SDR42E1: variants seen among roughly 807,000 people sequenced by gnomAD.
SDR42E1 encodes the protein short-chain dehydrogenase/reductase family 42E member 1.
A neutral mutation model predicts 2.6 loss-of-function variants in SDR42E1; 5 were observed. That is an observed-to-expected ratio of 1.94 (90% CI 1.01 to 4.08). SDR42E1 has a LOEUF of 4.08. Ranked by LOEUF, SDR42E1 falls within the 30% of genes most tolerant of loss-of-function variation. The pLI, the probability that SDR42E1 is intolerant of heterozygous loss-of-function variation, is 0.00. For synonymous variants in SDR42E1, 231 were observed against 188.3 expected (o/e 1.23, Z -1.86); for missense variants, 596 against 478.6 (o/e 1.25, Z -2.29).
intron 1 of SDR42E1, among the ~76,000 whole-genome samples, chr16:82,004,169 TG>T (rs1170508723): frequency 6.6e-6 from 1 of 152,100 alleles, no homozygotes; most frequent in African/African-American, 2.4e-5. Context: ...GTTATAATGT[TG>T]GTATAAACAA....
rs192061002 is a variant in SDR42E1 at position 81,993,805 on chromosome 16, A to C, written c.*5306T>G. On this transcript the variant is annotated 3_prime_UTR_variant, in exon 3 of 3. Transcript: ENST00000328945. ...CACTTCATCAAACAATTTCCATATA[A>C]AACAAGAGTTTGAACTACTCTGCTT... The C allele has an allele frequency of 5.1e-4, 78 of 152,316 alleles. No individual in the cohort carries two copies. Among genetic ancestry groups the C allele is most frequent in the African/African-American group, 1.8e-3 (74 of 41,556 alleles). 9.4% of individuals were successfully genotyped at this position (152,316 alleles called of 1,614,324 possible).
rs769507054 is a variant in SDR42E1, at chr16:81,999,884, C to T, written c.409G>A (p.Asp137Asn). The T allele has an allele frequency of 6.2e-7, 1 of 1,614,038 alleles. No homozygotes were observed. The highest frequency in any genetic ancestry group is 8.5e-7 in the Non-Finnish European group (1 of 1,180,034). The change falls in exon 3 of 3, where the codon GAT becomes AAT. Residue 137 changes from aspartate to asparagine, a missense_variant. Coordinates refer to ENST00000328945, the MANE Select transcript of SDR42E1 (RefSeq NM_145168.3). The part of the protein sequence containing the change: ...IFGGQVIRNG[D>N]ESLPYLPLHL... ...AGAGGCAGGTAGGGCAGAGATTCAT[C>T]CCCATTTCTGATAACTTGACCTCCA...
Position 82,000,834 on chromosome 16 carries a change from C to A in SDR42E1, c.25G>T (p.Glu9Ter). 1 of 1,613,902 alleles carries A rather than the reference C, an allele frequency of 6.2e-7. No homozygotes were observed. Among genetic ancestry groups the A allele is most frequent in the South Asian group, 1.1e-5 (1 of 91,060 alleles). Residue 9 changes from glutamate (E) to a stop codon, truncating the protein, a stop_gained, in exon 2 of 3, where the codon GAA becomes TAA. Coordinates refer to ENST00000328945, the MANE Select transcript of SDR42E1 (RefSeq NM_145168.3). LOFTEE classifies it low-confidence loss of function (END_TRUNC). Reference protein sequence around the residue: MDPKRSQKESVLITGGSGY... With the variant: MDPKRSQK Reference sequence around the variant, plus strand: ...CTTCCTCCTGTAATGAGGACACTTTCCTTTTGAGATCTTTTGGGGTCCATA... The same window carrying A: ...CTTCCTCCTGTAATGAGGACACTTTACTTTTGAGATCTTTTGGGGTCCATA...
In SDR42E1 at chr16:81,995,094, A is replaced by G. The variant is rs1424351988; in HGVS notation, c.*4017T>C. 1 of 152,024 alleles carries G rather than the reference A, an allele frequency of 6.6e-6. No individual in the cohort carries two copies. Among genetic ancestry groups the G allele is most frequent in the African/African-American group, 2.4e-5 (1 of 41,360 alleles). 9.4% of individuals were successfully genotyped at this position (152,024 alleles called of 1,614,324 possible). The stretch of plus-strand genomic sequence containing the variant: ...CCGCTCTTCCCTTTTTGCAGGTGGG[A>G]GCAGTTTGGGCATTACCTTTAGGTT... On this transcript the variant is annotated 3_prime_UTR_variant, in exon 3 of 3. Coordinates refer to ENST00000328945, the MANE Select transcript of SDR42E1 (RefSeq NM_145168.3).
At position 81,994,345 on chromosome 16, in the gene SDR42E1, T is replaced by C. The variant is rs1296684962; in HGVS notation, c.*4766A>G. 1 of 152,218 alleles carries C rather than the reference T, an allele frequency of 6.6e-6. No individual in the cohort carries two copies. Among genetic ancestry groups the C allele is most frequent in the East Asian group, 1.9e-4 (1 of 5,192 alleles). 9.4% of individuals were successfully genotyped at this position (152,218 alleles called of 1,614,324 possible). ...CTGAAGAGGAGCTGCACCAAGCGCC[T>C]GTCCTCCCCAGAGAAGCAATCCTAG... is the stretch of plus-strand genomic sequence containing the variant. On this transcript the variant is annotated 3_prime_UTR_variant, in exon 3 of 3. Coordinates refer to ENST00000328945, the MANE Select transcript of SDR42E1 (RefSeq NM_145168.3).
Position 81,997,360 on chromosome 16 carries a change from T to C in SDR42E1, c.*1751A>G, listed in dbSNP as rs1912566281. 1 of 152,192 alleles carries C rather than the reference T, an allele frequency of 6.6e-6. No homozygotes were observed. The highest frequency in any genetic ancestry group is 2.1e-4 in the South Asian group (1 of 4,830). 9.4% of individuals were successfully genotyped at this position (152,192 alleles called of 1,614,324 possible). On this transcript the variant is annotated 3_prime_UTR_variant, in exon 3 of 3. Coordinates refer to ENST00000328945, the MANE Select transcript of SDR42E1 (RefSeq NM_145168.3). ...TGACCATCTCCCTCTTCTGGTATAA[T>C]ACGGAAATACCTTTGTGTATTTCCT...
Position 81,989,947 on chromosome 16 carries a change from A to T in SDR42E1, c.*9164T>A, listed in dbSNP as rs1049842927. On this transcript the variant is annotated 3_prime_UTR_variant, in exon 3 of 3. Transcript: ENST00000328945. ...TGGGAGGCGGAGGTTGCAGTGAGCCAAGATTGTGCCACTGCACTCCAGCCT... is the reference window on the plus strand; with the variant it reads ...TGGGAGGCGGAGGTTGCAGTGAGCCTAGATTGTGCCACTGCACTCCAGCCT... The T allele has an allele frequency of 1.3e-5, 2 of 152,418 alleles. No individual in the cohort carries two copies. Among genetic ancestry groups the T allele is most frequent in the African/African-American group, 4.8e-5 (2 of 41,434 alleles). The allele number at this position is 152,418 out of a possible 1,614,324, so 9.4% of individuals were successfully genotyped here.
At chr16:82,001,013 ACAGCT>A in intron 1 of SDR42E1, 129 bp from the exon 2 acceptor site, 1 of 589,206 alleles carries the variant, frequency 1.7e-6, no homozygotes, top group Non-Finnish European at 2.9e-6. Context: ...GGGTCTGGTC[ACAGCT>A]GTGTCATTTA....
chr16:81,999,495 G>C lies in SDR42E1; in HGVS notation c.798C>G (p.Phe266Leu). 6.2e-7 allele frequency: 1 copy of C among 1,614,212 alleles called. No homozygotes were observed. The highest frequency in any genetic ancestry group is 8.5e-7 in the Non-Finnish European group (1 of 1,180,032). Residue 266 changes from phenylalanine to leucine, a missense_variant, in exon 3 of 3, where the codon TTC becomes TTG. Phe to Leu is a conservative substitution (Grantham distance 22). Coordinates refer to ENST00000328945, the MANE Select transcript of SDR42E1 (RefSeq NM_145168.3). Reference protein sequence around the residue: ...DGRPVNNFEFFRPLVEGLGYT... With the variant: ...DGRPVNNFEFLRPLVEGLGYT... ...AGCCCAGGCCCTCAACCAGAGGCCGGAAGAACTCAAAGTTGTTCACGGGTC... is the reference window on the plus strand; with the variant it reads ...AGCCCAGGCCCTCAACCAGAGGCCGCAAGAACTCAAAGTTGTTCACGGGTC...
intron 2 of SDR42E1, chr16:82,000,482 G>C: frequency 7.9e-6 from 5 of 635,982 alleles, no homozygotes; most frequent in Non-Finnish European, 1.4e-5. Context: ...CTTGGTTCTA[G>C]GGCCCACTAT....
In SDR42E1 at chr16:82,000,241, T is replaced by C; in HGVS notation, c.69-17A>G. On this transcript the variant is annotated splice_polypyrimidine_tract_variant and intron_variant, in intron 2 of 2. Coordinates refer to ENST00000328945, the MANE Select transcript of SDR42E1 (RefSeq NM_145168.3). ...CAGCCCAGGCTGAAATAAGAAACAG[T>C]AAACGTTGAATCAAGTCACTCTTAA... 3 of 1,601,138 alleles carry C rather than the reference T, an allele frequency of 1.9e-6. No homozygotes were observed. The highest frequency in any genetic ancestry group is 2.5e-6 in the Non-Finnish European group (3 of 1,177,752).
chr16:82,007,211 A>C (rs572277167), intron 1 of SDR42E1, among the ~76,000 whole-genome samples: 1 of 152,234 alleles, frequency 6.6e-6, no homozygotes, highest in African/African-American at 2.4e-5. Context: ...ACATTTTGCA[A>C]GCTCTTCAAA....
intron 1 of SDR42E1, among the ~76,000 whole-genome samples, chr16:82,002,872 C>G (rs1912814588): frequency 1.3e-5 from 2 of 152,232 alleles, no homozygotes; most frequent in South Asian, 4.1e-4. Flanking sequence ...GGGCACTCCA[C>G]AGATGTCATT....
At chr16:82,006,132 G>A (rs1912925222) in intron 1 of SDR42E1, among the ~76,000 whole-genome samples, 1 of 152,126 alleles carries the variant, frequency 6.6e-6, no homozygotes. Context: ...GGTGTCATTA[G>A]CATTTCACCA....
At position 81,996,236 on chromosome 16, in the gene SDR42E1, A is replaced by G. The variant is rs1439445590; in HGVS notation, c.*2875T>C. ...TCTTGGCTAGGCATGTGGAGAATGG[A>G]CTGAAGGAAGGAGGGTGTGGATATG... On this transcript the variant is annotated 3_prime_UTR_variant, in exon 3 of 3. Coordinates refer to ENST00000328945, the MANE Select transcript of SDR42E1 (RefSeq NM_145168.3). 2.6e-5 allele frequency: 4 copies of G among 152,336 alleles called. No homozygotes were observed. The highest frequency in any genetic ancestry group is 9.6e-5 in the African/African-American group (4 of 41,462). 9.4% of individuals were successfully genotyped at this position (152,336 alleles called of 1,614,324 possible).
chr16:82,010,057 C>T (rs1913076204), intron 1 of SDR42E1, among the ~76,000 whole-genome samples: 1 of 152,234 alleles, frequency 6.6e-6, no homozygotes, highest in African/African-American at 2.4e-5. Context: ...CTTTGCTCCT[C>T]TTTTGCCTTC....
intron 1 of SDR42E1, among the ~76,000 whole-genome samples, chr16:82,003,539 C>G (rs1048471833): frequency 6.6e-6 from 1 of 152,232 alleles, no homozygotes; most frequent in Non-Finnish European, 1.5e-5. Flanking sequence ...CTTTCCTTAT[C>G]TTGAAGATGC....
At position 81,996,272 on chromosome 16, in the gene SDR42E1, C is replaced by A. The variant is rs1912539325; in HGVS notation, c.*2839G>T. 1 of 151,952 alleles carries A rather than the reference C, an allele frequency of 6.6e-6. No individual in the cohort carries two copies. Among genetic ancestry groups the A allele is most frequent in the African/African-American group, 2.4e-5 (1 of 41,320 alleles). The allele number at this position is 151,952 out of a possible 1,614,324, so 9.4% of individuals were successfully genotyped here. ...GAGGGTGTGGATATGGGTGGAAGAG[C>A]AAATGGGCTACTAGTGGAATCTATG... On this transcript the variant is annotated 3_prime_UTR_variant, in exon 3 of 3. Transcript: ENST00000328945.
Position 81,999,863 on chromosome 16 carries a change from G to T in SDR42E1, c.430C>A (p.Pro144Thr). The T allele has an allele frequency of 6.2e-7, 1 of 1,614,168 alleles. No individual in the cohort carries two copies. Among genetic ancestry groups the T allele is most frequent in the Non-Finnish European group, 8.5e-7 (1 of 1,180,038 alleles). The change falls in exon 3 of 3, where the codon CCT (proline) becomes ACT (threonine). Residue 144 changes from proline (P) to threonine (T), a missense_variant. By Grantham distance (38) the Pro-to-Thr change is conservative. Transcript: ENST00000328945. ...RNGDESLPYL[P>T]LHLHPDHYSR... ...TAGTGATCAGGGTGGAGGTGAAGAG[G>T]CAGGTAGGGCAGAGATTCATCCCCA...
Sources: allele counts gnomAD v4.1 joint callset (sites outside exome capture counted in the v4.1 genomes callset), GRCh38; gene constraint gnomAD v4.1.1; transcripts MANE v1.5; gene names NCBI Gene and HGNC (gene_info 2026-07-23, HGNC 2026-07-21).